The following DCAF1 variants were observed in gnomAD, a reference collection of about 807,000 sequenced individuals.
DCAF1 encodes the protein DDB1- and CUL4-associated factor 1.
A neutral mutation model predicts 128.0 loss-of-function variants in DCAF1; 15 were observed. The ratio of observed to expected loss-of-function variants is 0.12; its 90% CI spans 0.08 to 0.18. DCAF1 has a LOEUF of 0.18. Ranked by LOEUF, DCAF1 falls within the 10% of genes least tolerant of loss-of-function variation. The pLI is 1.00. For synonymous variants in DCAF1, 610 were observed against 603.0 expected, an observed-to-expected ratio of 1.01 and a Z score of -0.17; for missense variants, 988 against 1,649.5, an observed-to-expected ratio of 0.60 and a Z score of 6.95.
chr3:51,419,021 T>C (rs1699153051), intron 15 of DCAF1, 145 bp from the exon 16 acceptor site: 1 of 1,343,150 alleles, frequency 7.4e-7, no homozygotes, highest in African/African-American at 1.5e-5. Context: ...TGCTTTTTAT[T>C]TTAAATAAGA....
chr3:51,418,479 T>A (rs1239572484), intron 16 of DCAF1, among the ~76,000 whole-genome samples, 199 bp downstream of exon 16: 1 of 152,178 alleles, frequency 6.6e-6, no homozygotes, highest in Non-Finnish European at 1.5e-5. Flanking sequence ...TGAGAAGATG[T>A]CAAAGATGGT....
intron 23 of DCAF1, among the ~76,000 whole-genome samples, chr3:51,404,086 G>A (rs144304056): frequency 8.5e-5 from 13 of 152,344 alleles, no homozygotes; most frequent in Admixed American, 1.3e-4. Flanking sequence ...CTTTGTTCTA[G>A]GGACTCTGGG....
chr3:51,488,673 C>T (rs537142492), intron 2 of DCAF1, among the ~76,000 whole-genome samples: 6 of 152,252 alleles, frequency 3.9e-5, no homozygotes, highest in Admixed American at 3.3e-4. Context: ...CATGGTGGCA[C>T]GCACCTGTAA....
chr3:51,473,274 AAAC>A (rs1191521468), intron 3 of DCAF1, among the ~76,000 whole-genome samples: 1 of 151,144 alleles, frequency 6.6e-6, no homozygotes, highest in East Asian at 1.9e-4. Context: ...AAAAAAAAAA[AAAC>A]AAGAAAAATT....
intron 6 of DCAF1, among the ~76,000 whole-genome samples, chr3:51,449,955 A>G (rs1702201596): frequency 6.6e-6 from 1 of 152,232 alleles, no homozygotes; most frequent in African/African-American, 2.4e-5. Flanking sequence ...AAATAGACCT[A>G]TAAGTAGTAA....
chr3:51,421,872 CTTTGTTG>C (rs1699423135), intron 14 of DCAF1, among the ~76,000 whole-genome samples: 1 of 5,816 alleles, frequency 1.7e-4, no homozygotes, highest in African/African-American at 1.9e-4. Flanking sequence ...AAACTGCTTA[CTTTGTTG>C]TTTTTTTTTC....
At chr3:51,412,960 C>A in intron 22 of DCAF1, 33 bp downstream of exon 22, 2 of 1,611,914 alleles carry the variant, frequency 1.2e-6, no homozygotes, top group East Asian at 2.2e-5. Context: ...AACATCAGAA[C>A]AAAAGAGCAG....
At chr3:51,450,033 A>G (rs1002177584) in intron 6 of DCAF1, among the ~76,000 whole-genome samples, 2 of 152,206 alleles carry the variant, frequency 1.3e-5, no homozygotes, top group Non-Finnish European at 2.9e-5. Context: ...CTTCACTAGT[A>G]AATTCTACGA....
At chr3:51,423,893 A>C (rs1699664556) in intron 13 of DCAF1, among the ~76,000 whole-genome samples, 1 of 152,120 alleles carries the variant, frequency 6.6e-6, no homozygotes, top group African/African-American at 2.4e-5. Flanking sequence ...AGCCACATTA[A>C]AATAGCAAAA....
At chr3:51,416,474 G>A (rs190982041) in intron 18 of DCAF1, among the ~76,000 whole-genome samples, 12 of 152,080 alleles carry the variant, frequency 7.9e-5, no homozygotes, top group East Asian at 5.8e-4. Context: ...TAAATTTACC[G>A]TATATTTGCT....
intron 10 of DCAF1, among the ~76,000 whole-genome samples, chr3:51,430,852 T>C (rs1375739307): frequency 2.0e-5 from 3 of 152,098 alleles, no homozygotes; most frequent in African/African-American, 7.2e-5. Context: ...CGAGAAGAAA[T>C]TACCCATTTC....
At chr3:51,490,778 T>C (rs1553657627) in intron 2 of DCAF1, among the ~76,000 whole-genome samples, 1 of 151,346 alleles carries the variant, frequency 6.6e-6, no homozygotes, top group Non-Finnish European at 1.5e-5. Context: ...TACAAAACAT[T>C]AGCTGACCAT....
At chr3:51,478,621 T>C (rs1167658280) in intron 3 of DCAF1, among the ~76,000 whole-genome samples, 1 of 152,170 alleles carries the variant, frequency 6.6e-6, no homozygotes, top group Non-Finnish European at 1.5e-5. Context: ...TTCAAGTATC[T>C]TGTTTAATAG....
At chr3:51,489,446 C>CA (rs1290819102) in intron 2 of DCAF1, among the ~76,000 whole-genome samples, 3 of 151,138 alleles carry the variant, frequency 2.0e-5, no homozygotes, top group Admixed American at 6.6e-5. Context: ...AAAAACAAAA[C>CA]AAAAAAACCA....
chr3:51,455,787 C>G (rs60251801), intron 6 of DCAF1, among the ~76,000 whole-genome samples: 127 of 152,004 alleles, frequency 8.4e-4, no homozygotes, highest in African/African-American at 2.9e-3. Context: ...GTCCCAGCTA[C>G]TTGGGAGGCT....
intron 13 of DCAF1, among the ~76,000 whole-genome samples, chr3:51,426,229 A>G (rs1553634048): frequency 2.7e-5 from 4 of 149,344 alleles, no homozygotes; most frequent in Admixed American, 2.7e-4. Context: ...TTTTTTTTTG[A>G]GATGAAGACT....
chr3:51,502,777 C>A (rs958559835), upstream of DCAF1, among the ~76,000 whole-genome samples: 1 of 151,972 alleles, frequency 6.6e-6, no homozygotes, highest in African/African-American at 2.4e-5. Context: ...CAACACCTCC[C>A]CCTCCCCAAC....
intron 6 of DCAF1, among the ~76,000 whole-genome samples, chr3:51,453,930 C>A (rs1291155036): frequency 6.7e-6 from 1 of 149,464 alleles, no homozygotes; most frequent in South Asian, 2.1e-4. Flanking sequence ...CCAGCCTGCA[C>A]GACAGAGCGA....
At chr3:51,447,125 G>A (rs1174879455) in intron 6 of DCAF1, among the ~76,000 whole-genome samples, 1 of 151,660 alleles carries the variant, frequency 6.6e-6, no homozygotes, top group African/African-American at 2.4e-5. Flanking sequence ...TCCTACTATG[G>A]GCTGGGCATG....
Sources: gnomAD v4.1 joint callset for allele counts (sites outside exome capture counted in the v4.1 genomes callset) on GRCh38, gnomAD v4.1.1 for gene constraint, MANE v1.5 for transcripts, NCBI Gene and HGNC (gene_info 2026-07-23, HGNC 2026-07-21) for gene names.